The following DOCK4 variants were observed in gnomAD, a reference collection of about 807,000 sequenced individuals.
The protein encoded by DOCK4 is dedicator of cytokinesis 4, also known as dedicator of cytokinesis protein 4.
DOCK4 carries 97 observed loss-of-function variants against 268.1 expected under a neutral mutation model. The observed-to-expected ratio is 0.36, with a 90% CI of 0.31 to 0.43. DOCK4 has a LOEUF of 0.43. Ranked by LOEUF, DOCK4 falls within the 20% of genes least tolerant of loss-of-function variation. DOCK4 has a pLI of 1.00. For missense variants in DOCK4, 2,145 were observed against 2,455.7 expected (o/e 0.87, Z 2.67); for synonymous variants, 954 against 887.2 (o/e 1.08, Z -1.34).
At chr7:112,114,966 G>A (rs1232552731) in intron 1 of DOCK4, among the ~76,000 whole-genome samples, 1 of 152,168 alleles carries the variant, frequency 6.6e-6, no homozygotes, top group Non-Finnish European at 1.5e-5. Context: ...ACTCCACCTT[G>A]AGAGCACCTA....
At chr7:112,152,714 G>T (rs1302869004) in intron 1 of DOCK4, among the ~76,000 whole-genome samples, 1 of 152,024 alleles carries the variant, frequency 6.6e-6, no homozygotes, top group Non-Finnish European at 1.5e-5. Context: ...CTCAACTCCT[G>T]GTCTCAAGTA....
chr7:111,948,059 T>C (rs2134843808), intron 8 of DOCK4, among the ~76,000 whole-genome samples: 1 of 152,242 alleles, frequency 6.6e-6, no homozygotes, highest in Non-Finnish European at 1.5e-5. Flanking sequence ...GAAAAGGAAA[T>C]GTGCAAGAAT....
chr7:111,928,257 A>G (rs1352530283), intron 12 of DOCK4, among the ~76,000 whole-genome samples: 1 of 152,172 alleles, frequency 6.6e-6, no homozygotes, highest in African/African-American at 2.4e-5. Context: ...TTGTAGTTTA[A>G]TATCTGATTA....
At chr7:112,001,663 A>G (rs1800435152) in intron 2 of DOCK4, among the ~76,000 whole-genome samples, 1 of 152,248 alleles carries the variant, frequency 6.6e-6, no homozygotes, top group South Asian at 2.1e-4. Context: ...GTAAAAATGA[A>G]TCTTCTATTC....
chr7:112,081,223 A>T (rs1586783751), intron 1 of DOCK4, among the ~76,000 whole-genome samples: 1 of 152,176 alleles, frequency 6.6e-6, no homozygotes, highest in East Asian at 1.9e-4. Context: ...TCAAGGAAGT[A>T]GTGAGGTTTG....
At chr7:111,922,667 C>T (rs1246837247) in intron 12 of DOCK4, among the ~76,000 whole-genome samples, 2 of 152,114 alleles carry the variant, frequency 1.3e-5, no homozygotes, top group Non-Finnish European at 2.9e-5. Context: ...CTGCAACCTC[C>T]ACCTCCCAGG....
At chr7:111,782,679 A>G (rs1239742496) in intron 35 of DOCK4, among the ~76,000 whole-genome samples, 185 bp downstream of exon 35, 1 of 152,300 alleles carries the variant, frequency 6.6e-6, no homozygotes, top group East Asian at 1.9e-4. Flanking sequence ...TCTGGGACTG[A>G]GGATTTCCTG....
chr7:111,793,566 T>C (rs1037039764), intron 30 of DOCK4, among the ~76,000 whole-genome samples: 4 of 152,248 alleles, frequency 2.6e-5, no homozygotes, highest in African/African-American at 4.8e-5. Flanking sequence ...TGTATTTCCA[T>C]TTTATTAACT....
intron 50 of DOCK4, 140 bp downstream of exon 50, chr7:111,736,775 ATT>A: frequency 2.6e-6 from 2 of 760,686 alleles, no homozygotes; most frequent in South Asian, 1.6e-5. Flanking sequence ...ACTGTCTTTC[ATT>A]AATCCCTTAA....
chr7:111,791,070 T>TATATA (rs1554593887), intron 30 of DOCK4, among the ~76,000 whole-genome samples: 34 of 95,436 alleles, frequency 3.6e-4, no homozygotes, highest in African/African-American at 1.5e-3. Context: ...AAAAAAAAAA[T>TATATA]TATATATATA....
intron 5 of DOCK4, among the ~76,000 whole-genome samples, chr7:111,990,690 G>A (rs1229206700): frequency 3.3e-5 from 5 of 152,094 alleles, no homozygotes; most frequent in Admixed American, 6.5e-5. Context: ...ACTCTATTGA[G>A]CCCATTCTTC....
intron 12 of DOCK4, among the ~76,000 whole-genome samples, chr7:111,920,889 G>A (rs1793066843): frequency 6.6e-6 from 1 of 151,618 alleles, no homozygotes; most frequent in Non-Finnish European, 1.5e-5. Context: ...GGAAAGCTTA[G>A]GAAATTTTTT....
chr7:111,820,250 G>A (rs1332067936), intron 27 of DOCK4: 3 of 152,216 alleles, frequency 2.0e-5, no homozygotes, highest in Non-Finnish European at 4.4e-5. Context: ...CTCCAACTTG[G>A]CAGTGGTCTC....
At chr7:112,098,422 C>T (rs759252423) in intron 1 of DOCK4, among the ~76,000 whole-genome samples, 3 of 151,704 alleles carry the variant, frequency 2.0e-5, no homozygotes, top group Non-Finnish European at 4.4e-5. Flanking sequence ...CATGAGCCCC[C>T]CACCTCAGCC....
At chr7:111,848,812 C>G (rs986497838) in intron 23 of DOCK4, among the ~76,000 whole-genome samples, 1 of 152,124 alleles carries the variant, frequency 6.6e-6, no homozygotes, top group African/African-American at 2.4e-5. Flanking sequence ...GTCTGAGTAA[C>G]AAGTATCAAA....
rs192638375 is a variant in DOCK4, at chr7:112,077,938, T to C, written c.38-73807A>G. Among the ~76,000 whole-genome samples, 20 of 152,168 alleles carry C rather than the reference T, an allele frequency of 1.3e-4. No individual in the cohort carries two copies. The East Asian group carries it at 3.1e-3, about 23-fold the overall frequency. On this transcript the variant is annotated intron_variant, in intron 1 of 52. Transcript: ENST00000428084. ...GCGGTCCCAGAAAGAGAATAATAAG[T>C]GTTGATCACTTTGTGTTTTGTATTT...
At chr7:111,890,168 C>T (rs1314259568) in intron 16 of DOCK4, among the ~76,000 whole-genome samples, 1 of 152,164 alleles carries the variant, frequency 6.6e-6, no homozygotes, top group African/African-American at 2.4e-5. Flanking sequence ...AGAGATTTGA[C>T]TTTTGGAGAA....
intron 30 of DOCK4, among the ~76,000 whole-genome samples, chr7:111,800,902 G>A (rs1800229808): frequency 6.6e-6 from 1 of 152,098 alleles, no homozygotes; most frequent in South Asian, 2.1e-4. Flanking sequence ...TAATACAGGA[G>A]TTATTAAGAA....
chr7:112,057,658 C>T (rs1323937984), intron 1 of DOCK4, among the ~76,000 whole-genome samples: 2 of 151,718 alleles, frequency 1.3e-5, no homozygotes, highest in African/African-American at 2.4e-5. Context: ...GCCTGTAGTC[C>T]TAGTTACTCA....
Sources: gnomAD v4.1 joint callset for allele counts (sites outside exome capture counted in the v4.1 genomes callset) on GRCh38, gnomAD v4.1.1 for gene constraint, MANE v1.5 for transcripts, NCBI Gene and HGNC (gene_info 2026-07-23, HGNC 2026-07-21) for gene names.